Variants in TRAPPC10 observed in about 807,000 individuals in gnomAD.
TRAPPC10 encodes the protein trafficking protein particle complex subunit 10.
In TRAPPC10, 23 loss-of-function variants were observed where a neutral mutation model predicts 125.5. The observed-to-expected ratio is 0.18, with a 90% confidence interval of 0.13 to 0.26. The LOEUF is 0.26. Among genes scored for constraint, TRAPPC10 ranks in the 10% least tolerant of loss-of-function variants. TRAPPC10 has a pLI of 1.00. For synonymous variants in TRAPPC10, 509 were observed against 518.0 expected, an observed-to-expected ratio of 0.98 and a Z score of 0.24; for missense variants, 1,123 against 1,308.4, an observed-to-expected ratio of 0.86 and a Z score of 2.19.
intron 5 of TRAPPC10, among the ~76,000 whole-genome samples, chr21:44,058,295 G>A (rs2035760869): frequency 6.6e-6 from 1 of 152,064 alleles, no homozygotes; most frequent in African/African-American, 2.4e-5. Context: ...CCATGGAGTG[G>A]GGCAGCGCAC....
intron 1 of TRAPPC10, among the ~76,000 whole-genome samples, chr21:44,030,723 C>T (rs2033506105): frequency 6.6e-6 from 1 of 152,174 alleles, no homozygotes; most frequent in Non-Finnish European, 1.5e-5. Context: ...CCACCTCGGC[C>T]TCCCAAAATG....
chr21:44,039,335 C>T (rs1381104444), intron 3 of TRAPPC10, among the ~76,000 whole-genome samples: 2 of 152,184 alleles, frequency 1.3e-5, no homozygotes, highest in African/African-American at 4.8e-5. Flanking sequence ...TCAGGTTGTC[C>T]CAGATTTGGC....
chr21:44,020,541 A>G (rs910317484), intron 1 of TRAPPC10, among the ~76,000 whole-genome samples: 2 of 152,056 alleles, frequency 1.3e-5, no homozygotes, highest in African/African-American at 4.8e-5. Flanking sequence ...GAGACAGGCC[A>G]GAGGATCGCT....
chr21:44,076,849 T>C (rs1283180384), intron 10 of TRAPPC10, among the ~76,000 whole-genome samples: 1 of 152,200 alleles, frequency 6.6e-6, no homozygotes, highest in Admixed American at 6.5e-5. Context: ...GAATCATCTT[T>C]GAATATTTAC....
chr21:44,031,299 A>G (rs2033560328), intron 1 of TRAPPC10, among the ~76,000 whole-genome samples: 1 of 152,242 alleles, frequency 6.6e-6, no homozygotes, highest in Non-Finnish European at 1.5e-5. Flanking sequence ...TCCTCTGAGT[A>G]TAAGAATTTT....
At chr21:44,055,989 C>T (rs766346725) in intron 5 of TRAPPC10, 96 bp downstream of exon 5, 62 of 1,117,246 alleles carry the variant, frequency 5.5e-5, no homozygotes, top group Non-Finnish European at 7.3e-5. Flanking sequence ...AGGCACCTCT[C>T]GTGGTAATCT....
chr21:44,020,553 G>T (rs1330353603), intron 1 of TRAPPC10, among the ~76,000 whole-genome samples: 3 of 152,022 alleles, frequency 2.0e-5, no homozygotes, highest in Non-Finnish European at 2.9e-5. Context: ...AGGATCGCTT[G>T]AGCCCAGGAA....
intron 3 of TRAPPC10, chr21:44,046,823 G>T: frequency 3.2e-6 from 2 of 615,758 alleles, no homozygotes; most frequent in Non-Finnish European, 3.0e-6. Flanking sequence ...TAAGTCTTTT[G>T]ATGCATTTCC....
chr21:44,052,632 T>C (rs1342496535), intron 4 of TRAPPC10, among the ~76,000 whole-genome samples, 156 bp downstream of exon 4: 1 of 152,058 alleles, frequency 6.6e-6, no homozygotes, highest in Non-Finnish European at 1.5e-5. Context: ...GTGGAGTTCC[T>C]GTTTAGGCAG....
intron 17 of TRAPPC10, 169 bp downstream of exon 17, chr21:44,088,097 T>A (rs1385230321): frequency 1.6e-6 from 1 of 641,954 alleles, no homozygotes; most frequent in Non-Finnish European, 2.7e-6. Context: ...CTTTCTTAGA[T>A]AAGGGGTGCA....
chr21:44,093,993 C>T (rs2038758162), intron 19 of TRAPPC10, 70 bp from the exon 20 acceptor site: 11 of 1,497,910 alleles, frequency 7.3e-6, no homozygotes, highest in South Asian at 2.5e-5. Flanking sequence ...GCGTGTGTTT[C>T]GCTGCAGTGT....
chr21:44,064,369 G>T (rs941232386), intron 7 of TRAPPC10, among the ~76,000 whole-genome samples: 1 of 151,688 alleles, frequency 6.6e-6, no homozygotes, highest in Non-Finnish European at 1.5e-5. Context: ...TAAAACATTT[G>T]CCCTTAGAGA....
intron 1 of TRAPPC10, among the ~76,000 whole-genome samples, chr21:44,013,633 A>G (rs2031449470): frequency 6.6e-6 from 1 of 152,180 alleles, no homozygotes; most frequent in African/African-American, 2.4e-5. Context: ...GAAACTGTAT[A>G]TTGAAGGTTG....
At chr21:44,092,097 A>C in intron 19 of TRAPPC10, 48 bp downstream of exon 19, 2 of 1,606,272 alleles carry the variant, frequency 1.2e-6, no homozygotes, top group Non-Finnish European at 8.5e-7. Context: ...AGAGAACCAG[A>C]GTGTACGGAA....
intron 11 of TRAPPC10, among the ~76,000 whole-genome samples, chr21:44,078,440 T>TAA (rs34659269): frequency 1.1e-4 from 14 of 126,050 alleles, no homozygotes; most frequent in African/African-American, 1.4e-4. Flanking sequence ...TTTCATTTTC[T>TAA]AAAAAAAAAA....
intron 6 of TRAPPC10, chr21:44,060,227 T>TA (rs1446154149): frequency 6.7e-6 from 1 of 150,038 alleles, no homozygotes; most frequent in Non-Finnish European, 1.5e-5. Context: ...GTTTACTAAG[T>TA]AAAAAAATAA....
rs995165526 is a variant in TRAPPC10, at chr21:44,087,451, G to A, written c.2540-248G>A. On this transcript the variant is annotated intron_variant, in intron 16 of 22. Transcript: ENST00000291574. The surrounding 1 kb of genome is among the most constrained non-coding windows in gnomAD (Gnocchi z 4.6). Reference sequence around the variant, plus strand: ...GCAGGGACCTACACAGGACTTGGGTGGGCCCCGTGGGAAATGCCCTTTTCC... The same window carrying A: ...GCAGGGACCTACACAGGACTTGGGTAGGCCCCGTGGGAAATGCCCTTTTCC... Among the ~76,000 whole-genome samples the A allele has an allele frequency of 6.6e-6, 1 of 152,226 alleles. No homozygotes were observed. Among genetic ancestry groups the A allele is most frequent in the Non-Finnish European group, 1.5e-5 (1 of 68,044 alleles).
chr21:44,079,762 T>A (rs943393754), intron 12 of TRAPPC10, 58 bp downstream of exon 12: 1 of 1,555,722 alleles, frequency 6.4e-7, no homozygotes, highest in Non-Finnish European at 8.7e-7. Flanking sequence ...ACGGCAACAT[T>A]GCCCACAATC....
intron 17 of TRAPPC10, chr21:44,089,566 T>C (rs2038429469): frequency 3.8e-6 from 2 of 520,678 alleles, no homozygotes; most frequent in Non-Finnish European, 7.4e-6. Flanking sequence ...ACGGCTGTGC[T>C]CTTCCGCCGT....
Sources: gnomAD v4.1 joint callset for allele counts (sites outside exome capture counted in the v4.1 genomes callset) on GRCh38, gnomAD v4.1.1 for gene constraint, Gnocchi (gnomAD v3.1) non-coding constraint, MANE v1.5 for transcripts, NCBI Gene and HGNC (gene_info 2026-07-23, HGNC 2026-07-21) for gene names.